The following PKNOX1 variants were observed in gnomAD, a reference collection of about 807,000 sequenced individuals.
PKNOX1 encodes the protein homeobox protein PKNOX1.
PKNOX1 carries 15 observed loss-of-function variants against 51.9 expected under a neutral mutation model. The observed-to-expected ratio is 0.29, with a 90% CI of 0.19 to 0.45. The LOEUF is 0.45. PKNOX1 is among the 20% of genes least tolerant of loss of function. The probability of loss-of-function intolerance (pLI) is 1.00; values close to 1 mark genes in which losing one functional copy is unlikely to be tolerated. For synonymous variants in PKNOX1, 219 were observed against 211.1 expected (o/e 1.04, Z -0.32); for missense variants, 462 against 547.5 (o/e 0.84, Z 1.56).
intron 7 of PKNOX1, among the ~76,000 whole-genome samples, chr21:43,020,284 C>T (rs187431049): frequency 3.3e-5 from 5 of 152,292 alleles, no homozygotes; most frequent in South Asian, 4.1e-4. Context: ...ATCCATGCTG[C>T]GGACCCTACG....
intron 1 of PKNOX1, among the ~76,000 whole-genome samples, chr21:42,984,837 G>C (rs2059043403): frequency 6.6e-6 from 1 of 152,150 alleles, no homozygotes; most frequent in African/African-American, 2.4e-5. Context: ...GAGTAGAGAG[G>C]GGTGGCTGCT....
intron 2 of PKNOX1, among the ~76,000 whole-genome samples, chr21:43,007,285 T>G (rs1448658202): frequency 6.6e-6 from 1 of 152,244 alleles, no homozygotes; most frequent in Non-Finnish European, 1.5e-5. Context: ...ACATTGGTTA[T>G]CTCAGTTCTT....
rs1332069575 is a variant in PKNOX1, at chr21:43,033,505, ATTG to A, written c.*3409_*3411del. The A allele has an allele frequency of 2.6e-5, 4 of 152,606 alleles. No homozygotes were observed. Among genetic ancestry groups the A allele is most frequent in the Non-Finnish European group, 4.4e-5 (3 of 68,036 alleles). The allele number at this position is 152,606 out of a possible 1,614,324, so 9.5% of individuals were successfully genotyped here. A position where few individuals can be genotyped will look rare whatever the true frequency, so the allele number is the denominator to read the frequency against. ...ATACTGTAACAATATGTTTTCTTGG[ATTG>A]TTGTCTTTAAAAAGGATTTTTGTGA... On this transcript the variant is annotated 3_prime_UTR_variant, in exon 11 of 11. Coordinates refer to ENST00000291547, the MANE Select transcript of PKNOX1 (RefSeq NM_004571.5).
At chr21:42,999,760 T>C (rs1010057135) in intron 1 of PKNOX1, among the ~76,000 whole-genome samples, 2 of 152,224 alleles carry the variant, frequency 1.3e-5, no homozygotes, top group Non-Finnish European at 2.9e-5. Context: ...ATTACAGGCA[T>C]GAGCCATTGC....
chr21:42,979,063 C>G lies in PKNOX1; in HGVS notation c.-57+4399C>G, dbSNP rs2059012901. On this transcript the variant is annotated intron_variant, in intron 1 of 10. Coordinates refer to ENST00000291547, the MANE Select transcript of PKNOX1 (RefSeq NM_004571.5). ...TACAGGGATGTGCCAGCATGCCCAG[C>G]TAATTTTGAAAAAGTTTTGTAGAAG... Among the ~76,000 whole-genome samples, 3 of 152,198 alleles carry G rather than the reference C, an allele frequency of 2.0e-5. No homozygotes were observed. In the South Asian group the frequency reaches 6.2e-4, roughly 31 times the overall value.
chr21:43,024,981 A>G lies in PKNOX1; in HGVS notation c.926+34A>G, dbSNP rs367706457. On this transcript the variant is annotated intron_variant, in intron 9 of 10. Transcript: ENST00000291547. ...CCCTGCTTCCTGAAATCATGCTGTC[A>G]GCACGGTAGAGCACTTGGAAACCCT... The G allele has an allele frequency of 2.1e-4, 264 of 1,276,552 alleles. 2 individuals are homozygous for G. The highest frequency in any genetic ancestry group is 1.7e-3 in the South Asian group (142 of 81,742). 79.1% of individuals were successfully genotyped at this position (1,276,552 alleles called of 1,614,324 possible). A position where few individuals can be genotyped will look rare whatever the true frequency, so the allele number is the denominator to read the frequency against.
At chr21:42,996,442 A>AT (rs34193250) in intron 1 of PKNOX1, among the ~76,000 whole-genome samples, 31,773 of 152,078 alleles carry the variant, frequency 0.21, 3,654 homozygotes, top group Non-Finnish European at 0.25. Context: ...GGGAGTCCCA[A>AT]TCTCTCCTGA....
chr21:43,019,509 G>A (rs1422172495), intron 7 of PKNOX1, among the ~76,000 whole-genome samples: 1 of 151,884 alleles, frequency 6.6e-6, no homozygotes, highest in Non-Finnish European at 1.5e-5. Flanking sequence ...TAGAATTCTG[G>A]GTTGAAAATC....
chr21:43,004,251 T>G (rs932352101), intron 1 of PKNOX1, 75 bp from the exon 2 acceptor site: 1 of 641,070 alleles, frequency 1.6e-6, no homozygotes, highest in Non-Finnish European at 2.8e-6. Flanking sequence ...AAAAAAAAAT[T>G]TGATGTTATG....
intron 3 of PKNOX1, among the ~76,000 whole-genome samples, chr21:43,009,026 A>C (rs1227145127): frequency 6.6e-6 from 1 of 152,176 alleles, no homozygotes; most frequent in East Asian, 1.9e-4. Context: ...CAGTAAAAGG[A>C]ATGAAGTGGC....
chr21:43,028,889 C>T lies in PKNOX1; in HGVS notation c.1099+15C>T. 1 of 1,613,056 alleles carries T rather than the reference C, an allele frequency of 6.2e-7. No homozygotes were observed. The highest frequency in any genetic ancestry group is 8.5e-7 in the Non-Finnish European group (1 of 1,179,034). On this transcript the variant is annotated intron_variant, in intron 10 of 10. Coordinates refer to ENST00000291547, the MANE Select transcript of PKNOX1 (RefSeq NM_004571.5). ...CATGTCGGAAGGTACAGGTGGCCGG[C>T]CAAGGCCAGACATGGTGGACCATGG...
chr21:42,993,521 CT>C lies in PKNOX1; in HGVS notation c.-56-10791del, dbSNP rs34451305. On this transcript the variant is annotated intron_variant, in intron 1 of 10. Transcript: ENST00000291547. ...TCGTAAAAACATCACAATTCTAAAA[CT>C]TTTTTTTTTTTTTCACAATTCTAAA... Among the ~76,000 whole-genome samples, 1,023 of 142,262 alleles carry C rather than the reference CT, an allele frequency of 7.2e-3. 10 individuals are homozygous for C. The highest frequency in any genetic ancestry group is 0.019 in the African/African-American group (735 of 38,866). The allele number at this position is 142,262 out of a possible 152,430, so 93.3% of individuals were successfully genotyped here. A position where few individuals can be genotyped will look rare whatever the true frequency, so the allele number is the denominator to read the frequency against.
intron 3 of PKNOX1, among the ~76,000 whole-genome samples, chr21:43,008,823 A>G (rs146753765): frequency 1.4e-4 from 22 of 152,286 alleles, no homozygotes; most frequent in African/African-American, 5.1e-4. Flanking sequence ...AGAATTATAT[A>G]TAACTCAGCA....
At chr21:42,975,307 A>G (rs1048517942) in intron 1 of PKNOX1, among the ~76,000 whole-genome samples, 6 of 149,794 alleles carry the variant, frequency 4.0e-5, no homozygotes, top group Admixed American at 4.0e-4. Context: ...GGTGGGCGTG[A>G]TGGGGCTCGT....
At chr21:42,995,987 G>A (rs1978487295) in intron 1 of PKNOX1, among the ~76,000 whole-genome samples, 1 of 152,148 alleles carries the variant, frequency 6.6e-6, no homozygotes, top group African/African-American at 2.4e-5. Context: ...GGCAAGGCAG[G>A]ACGATAGCTT....
At position 43,028,035 on chromosome 21, in the gene PKNOX1, C is replaced by T. The variant is rs61157731; in HGVS notation, c.927-667C>T. 8.0e-3 allele frequency among the ~76,000 whole-genome samples: 1,224 copies of T among 152,354 alleles called. 16 individuals are homozygous for T. The highest frequency in any genetic ancestry group is 0.033 in the East Asian group (173 of 5,190). ...GTCTGACAGAGTCGCCAGCGTCTGTCGGGGATTTCATCACTGCTGGTGCCT... is the reference window on the plus strand; with the variant it reads ...GTCTGACAGAGTCGCCAGCGTCTGTTGGGGATTTCATCACTGCTGGTGCCT... On this transcript the variant is annotated intron_variant, in intron 9 of 10. Transcript: ENST00000291547.
At chr21:42,989,446 C>T (rs1029841977) in intron 1 of PKNOX1, among the ~76,000 whole-genome samples, 2 of 152,054 alleles carry the variant, frequency 1.3e-5, no homozygotes, top group Admixed American at 6.6e-5. Flanking sequence ...GAGTCAGTCT[C>T]ACTCTGTCAC....
chr21:43,017,930 C>A, intron 6 of PKNOX1: 1 of 515,596 alleles, frequency 1.9e-6, no homozygotes, highest in Non-Finnish European at 3.4e-6. Context: ...AAGAAGAGGG[C>A]TGGTCGCAGT....
rs184981499 is a variant in PKNOX1 at position 42,977,985 on chromosome 21, A to C, written c.-57+3321A>C. Among the ~76,000 whole-genome samples the C allele has an allele frequency of 6.1e-3, 923 of 152,238 alleles. 4 individuals carry two copies. The highest frequency in any genetic ancestry group is 0.01 in the Non-Finnish European group (704 of 68,012). ...TAATCAGACCACTCATACTTTCCAC[A>C]TATCACCAATAAGGCTGTTTCACTT... On this transcript the variant is annotated intron_variant, in intron 1 of 10. Transcript: ENST00000291547.
Sources: allele counts gnomAD v4.1 joint callset (sites outside exome capture counted in the v4.1 genomes callset), GRCh38; gene constraint gnomAD v4.1.1; transcripts MANE v1.5; gene names NCBI Gene and HGNC (gene_info 2026-07-23, HGNC 2026-07-21).